Variants in PLA2R1 observed in about 807,000 individuals in gnomAD.
PLA2R1 encodes secretory phospholipase A2 receptor.
In PLA2R1, 158 loss-of-function variants were observed where a neutral mutation model predicts 195.9. The ratio of observed to expected loss-of-function variants is 0.81; its 90% CI spans 0.71 to 0.92. The LOEUF (loss-of-function observed/expected upper bound fraction) is 0.92. PLA2R1 is among the 40% of genes least tolerant of loss of function. The pLI is 0.00. For missense variants in PLA2R1, 1,626 were observed against 1,764.6 expected (o/e 0.92, Z 1.41); for synonymous variants, 586 against 598.2 (o/e 0.98, Z 0.30).
chr2:160,012,746 T>C (rs761503494), intron 10 of PLA2R1, among the ~76,000 whole-genome samples: 5 of 152,042 alleles, frequency 3.3e-5, no homozygotes, highest in Non-Finnish European at 7.4e-5. Flanking sequence ...ACCCCGTCTC[T>C]ACTAAAAATA....
chr2:159,960,950 C>T (rs912591459), intron 20 of PLA2R1, among the ~76,000 whole-genome samples: 10 of 152,068 alleles, frequency 6.6e-5, no homozygotes, highest in African/African-American at 2.4e-4. Flanking sequence ...AAAGAAGGTC[C>T]ATCATTGTTA....
At chr2:159,990,571 C>T (rs1157786808) in intron 11 of PLA2R1, among the ~76,000 whole-genome samples, 1 of 152,152 alleles carries the variant, frequency 6.6e-6, no homozygotes, top group African/African-American at 2.4e-5. Context: ...CCTTTACATC[C>T]TCATCTCTCA....
intron 3 of PLA2R1, among the ~76,000 whole-genome samples, chr2:160,040,513 G>A (rs1694461473): frequency 6.6e-6 from 1 of 152,084 alleles, no homozygotes; most frequent in Non-Finnish European, 1.5e-5. Flanking sequence ...GGGTCACCTG[G>A]GGCACTTTTC....
At chr2:160,001,193 T>C (rs988197171) in intron 11 of PLA2R1, among the ~76,000 whole-genome samples, 1 of 152,110 alleles carries the variant, frequency 6.6e-6, no homozygotes, top group African/African-American at 2.4e-5. Flanking sequence ...TTTTCAAAAC[T>C]AGACAGCAAC....
chr2:159,945,823 C>T, intron 27 of PLA2R1: 3 of 975,206 alleles, frequency 3.1e-6, no homozygotes, highest in Non-Finnish European at 3.7e-6. Flanking sequence ...AATAAAGTTG[C>T]CTCTTTATTT....
Position 159,936,733 on chromosome 2 carries a change from T to G in PLA2R1, c.*5045A>C, listed in dbSNP as rs1292530825. On this transcript the variant is annotated 3_prime_UTR_variant, in exon 30 of 30. Coordinates refer to ENST00000283243, the MANE Select transcript of PLA2R1 (RefSeq NM_007366.5). ...ACCTGGGAACTTAACAGTTCTCTAGTGCCATAGCAGCACTGGAAGCCCCAT... is the reference window on the plus strand; with the variant it reads ...ACCTGGGAACTTAACAGTTCTCTAGGGCCATAGCAGCACTGGAAGCCCCAT... 1 of 152,230 alleles carries G rather than the reference T, an allele frequency of 6.6e-6. No homozygotes were observed. The highest frequency in any genetic ancestry group is 1.9e-4 in the East Asian group (1 of 5,194). 9.4% of individuals were successfully genotyped at this position (152,230 alleles called of 1,614,324 possible).
chr2:160,058,282 G>A (rs572738671), intron 1 of PLA2R1, among the ~76,000 whole-genome samples: 1 of 151,988 alleles, frequency 6.6e-6, no homozygotes, highest in Non-Finnish European at 1.5e-5. Flanking sequence ...GAGACACCCC[G>A]TACACCCAAC....
chr2:160,007,334 C>G (rs1692059465), intron 10 of PLA2R1, among the ~76,000 whole-genome samples: 1 of 152,142 alleles, frequency 6.6e-6, no homozygotes, highest in Admixed American at 6.5e-5. Flanking sequence ...GGTTAGGGCT[C>G]CACCCCCAGC....
intron 12 of PLA2R1, among the ~76,000 whole-genome samples, chr2:159,985,850 T>C (rs1567538): frequency 0.17 from 26,493 of 152,052 alleles, 5,393 homozygotes; most frequent in African/African-American, 0.49. Context: ...TCTTCCTCTT[T>C]TTCTTGGCAA....
chr2:160,022,864 T>C lies in PLA2R1; in HGVS notation c.1100-5A>G, dbSNP rs567434986. ...AATATTTCCACGCATCTTTTTCTTTTTAAACCAACAAAAAACAATGTCATT... is the reference window on the plus strand; with the variant it reads ...AATATTTCCACGCATCTTTTTCTTTCTAAACCAACAAAAAACAATGTCATT... On this transcript the variant is annotated splice_region_variant and splice_polypyrimidine_tract_variant and intron_variant, in intron 6 of 29. Transcript: ENST00000283243. 6 of 1,567,378 alleles carry C rather than the reference T, an allele frequency of 3.8e-6. No homozygotes were observed. The East Asian group carries it at 1.4e-4, about 35-fold the overall frequency.
chr2:160,009,207 AT>A (rs1692192088), intron 10 of PLA2R1, among the ~76,000 whole-genome samples: 1 of 152,272 alleles, frequency 6.6e-6, no homozygotes, highest in Non-Finnish European at 1.5e-5. Flanking sequence ...ACTTATAGGC[AT>A]ACATGCCAAA....
intron 1 of PLA2R1, among the ~76,000 whole-genome samples, chr2:160,050,110 A>C (rs1695124463): frequency 6.6e-6 from 1 of 152,256 alleles, no homozygotes; most frequent in African/African-American, 2.4e-5. Flanking sequence ...CCCAGAACTT[A>C]AAACAAAATA....
chr2:160,044,325 C>T (rs781782041), intron 2 of PLA2R1, among the ~76,000 whole-genome samples: 2 of 152,114 alleles, frequency 1.3e-5, no homozygotes, highest in Non-Finnish European at 2.9e-5. Flanking sequence ...CATCAGGAGG[C>T]ATTGGAGGTG....
intron 12 of PLA2R1, 115 bp from the exon 13 acceptor site, chr2:159,984,188 C>T (rs934205384): frequency 3.8e-6 from 2 of 529,776 alleles, no homozygotes; most frequent in Non-Finnish European, 6.7e-6. Flanking sequence ...TTATAAAGAG[C>T]TTGATCTAGT....
intron 21 of PLA2R1, 78 bp downstream of exon 21, chr2:159,956,432 T>C: frequency 1.3e-6 from 1 of 794,902 alleles, no homozygotes; most frequent in Non-Finnish European, 2.3e-6. Context: ...GGAATGTTAG[T>C]ATAGGTGGGG....
At chr2:159,969,171 T>C in intron 19 of PLA2R1, 85 bp downstream of exon 19, 2 of 684,862 alleles carry the variant, frequency 2.9e-6, no homozygotes, top group Non-Finnish European at 5.1e-6. Context: ...AAACTTCTCA[T>C]GGAAATGATG....
At chr2:159,944,164 T>C (rs980428165) in intron 28 of PLA2R1, among the ~76,000 whole-genome samples, 6 of 152,188 alleles carry the variant, frequency 3.9e-5, no homozygotes, top group South Asian at 4.1e-4. Flanking sequence ...TTTGCTCTAA[T>C]TGAAACACAT....
At chr2:159,992,404 C>T (rs1162649035) in intron 11 of PLA2R1, among the ~76,000 whole-genome samples, 1 of 149,154 alleles carries the variant, frequency 6.7e-6, no homozygotes, top group African/African-American at 2.5e-5. Context: ...TGAGTGAACT[C>T]CCATTCACAA....
intron 13 of PLA2R1, among the ~76,000 whole-genome samples, chr2:159,982,218 G>A (rs1690002418): frequency 6.6e-6 from 1 of 152,200 alleles, no homozygotes; most frequent in South Asian, 2.1e-4. Flanking sequence ...TTGAACAATG[G>A]AGACTATCAC....
Sources: gnomAD v4.1 joint callset for allele counts (sites outside exome capture counted in the v4.1 genomes callset) on GRCh38, gnomAD v4.1.1 for gene constraint, MANE v1.5 for transcripts, NCBI Gene and HGNC (gene_info 2026-07-23, HGNC 2026-07-21) for gene names.